SFMBT2: variants seen among roughly 807,000 people sequenced by gnomAD.
SFMBT2 encodes scm-like with four MBT domains protein 2.
SFMBT2 carries 38 observed loss-of-function variants against 110.1 expected under a neutral mutation model. The ratio of observed to expected loss-of-function variants is 0.35; its 90% confidence interval spans 0.27 to 0.45. SFMBT2 has a LOEUF of 0.45. Among genes scored for constraint, SFMBT2 ranks in the 20% least tolerant of loss-of-function variants. The pLI is 1.00. For synonymous variants in SFMBT2, 425 were observed against 425.4 expected, an observed-to-expected ratio of 1.00 and a Z score of 0.01; for missense variants, 1,011 against 1,094.9, an observed-to-expected ratio of 0.92 and a Z score of 1.08.
At position 7,172,179 on chromosome 10, in the gene SFMBT2, T is replaced by C. The variant is rs1169864990; in HGVS notation, c.2152-21A>G. The C allele has an allele frequency of 6.5e-7, 1 of 1,529,134 alleles. No individual in the cohort carries two copies. Among genetic ancestry groups the C allele is most frequent in the South Asian group, 1.3e-5 (1 of 78,510 alleles). 94.7% of individuals were successfully genotyped at this position (1,529,134 alleles called of 1,614,324 possible). ...CTTTCCTGGGAAGGAGGAAAAGGCATTTAAGGGGCTGGTGGCCCGGGGGCC... is the reference window on the plus strand; with the variant it reads ...CTTTCCTGGGAAGGAGGAAAAGGCACTTAAGGGGCTGGTGGCCCGGGGGCC... On this transcript the variant is annotated intron_variant, in intron 18 of 20. Transcript: ENST00000397167. The surrounding 1 kb of genome is among the most constrained non-coding windows in gnomAD (Gnocchi z 4.6).
intron 2 of SFMBT2, among the ~76,000 whole-genome samples, chr10:7,375,283 C>T (rs192208243): frequency 9.9e-5 from 15 of 152,244 alleles, no homozygotes; most frequent in East Asian, 3.9e-4. Flanking sequence ...AATAAACAAA[C>T]GGCCCATACA....
At position 7,170,818 on chromosome 10, in the gene SFMBT2, G is replaced by T. The variant is rs1193732440; in HGVS notation, c.2544+110C>A. On this transcript the variant is annotated intron_variant, in intron 20 of 20. Transcript: ENST00000397167. This position sits in a 1 kb window ranked among gnomAD's most constrained non-coding sequence, Gnocchi z 4.6. ...GGGTCTCGCACACCTGCCGAGCAGC[G>T]CCGAAGAACCCCCTCGCAGGTGTCA... 3.0e-6 allele frequency: 4 copies of T among 1,330,818 alleles called. No individual in the cohort carries two copies. The highest frequency in any genetic ancestry group is 4.2e-6 in the Non-Finnish European group (4 of 953,882). 82.4% of individuals were successfully genotyped at this position (1,330,818 alleles called of 1,614,324 possible). A position where few individuals can be genotyped will look rare whatever the true frequency, so the allele number is the denominator to read the frequency against.
chr10:7,288,189 A>T (rs1842153483), intron 4 of SFMBT2, among the ~76,000 whole-genome samples: 1 of 152,198 alleles, frequency 6.6e-6, no homozygotes, highest in Non-Finnish European at 1.5e-5. Flanking sequence ...CTGCTGCTTC[A>T]TCACTAACGT....
At chr10:7,217,484 C>T (rs2692840) in intron 11 of SFMBT2, among the ~76,000 whole-genome samples, 90,552 of 151,876 alleles carry the variant, frequency 0.6, 27,245 homozygotes, top group East Asian at 0.87. Context: ...GTAAGTGGCG[C>T]GCATGTATAT....
chr10:7,183,127 A>G (rs1459357527), intron 16 of SFMBT2, among the ~76,000 whole-genome samples: 1 of 152,212 alleles, frequency 6.6e-6, no homozygotes, highest in Non-Finnish European at 1.5e-5. Flanking sequence ...AAGAAGGAAA[A>G]TAGAAGCAAC....
chr10:7,395,618 T>C (rs936170091), intron 1 of SFMBT2, among the ~76,000 whole-genome samples: 1 of 152,232 alleles, frequency 6.6e-6, no homozygotes, highest in Non-Finnish European at 1.5e-5. Context: ...TCACTTTATT[T>C]TGTTTAATCC....
chr10:7,221,231 A>G (rs892358569), intron 10 of SFMBT2, among the ~76,000 whole-genome samples: 12 of 152,018 alleles, frequency 7.9e-5, no homozygotes, highest in African/African-American at 2.9e-4. Context: ...ATCCGGCATC[A>G]TTTTCCTTTA....
At chr10:7,306,810 C>G (rs1842713104) in intron 4 of SFMBT2, among the ~76,000 whole-genome samples, 1 of 152,012 alleles carries the variant, frequency 6.6e-6, no homozygotes, top group African/African-American at 2.4e-5. Flanking sequence ...AACATTGTCC[C>G]TACTCCAGGA....
chr10:7,179,395 A>G (rs1238651970), intron 16 of SFMBT2, among the ~76,000 whole-genome samples: 7 of 52,364 alleles, frequency 1.3e-4, no homozygotes, highest in East Asian at 2.2e-3. Flanking sequence ...ATTTTCGAAA[A>G]AAAAAAAAAA....
chr10:7,176,070 C>T lies in SFMBT2; in HGVS notation c.1904G>A (p.Cys635Tyr). 1 of 1,614,228 alleles carries T rather than the reference C, an allele frequency of 6.2e-7. No individual in the cohort carries two copies. Among genetic ancestry groups the T allele is most frequent in the Non-Finnish European group, 8.5e-7 (1 of 1,180,048 alleles). ...CACAGGACTAAACAAATTTGGACAGCACTCTAGCTTGGCACAGACTCGGCG... is the reference window on the plus strand; with the variant it reads ...CACAGGACTAAACAAATTTGGACAGTACTCTAGCTTGGCACAGACTCGGCG... ...FCRRVCAKLE[C>Y]CPNLFSPVLI... Residue 635 changes from cysteine (C) to tyrosine (Y), a missense_variant, in exon 17 of 21, where the codon TGC becomes TAC. This residue lies in a region of SFMBT2 where 979 missense variants were observed against 1,016.1 expected (regional missense o/e 0.96). Transcript: ENST00000397167.
At chr10:7,220,640 C>A (rs970438841) in intron 10 of SFMBT2, 103 bp from the exon 11 acceptor site, 6 of 1,180,284 alleles carry the variant, frequency 5.1e-6, no homozygotes, top group Non-Finnish European at 7.5e-6. Flanking sequence ...CATCTTACAT[C>A]GACAAGACAG....
chr10:7,298,904 A>G (rs1035921444), intron 4 of SFMBT2, among the ~76,000 whole-genome samples: 2 of 152,174 alleles, frequency 1.3e-5, no homozygotes, highest in African/African-American at 4.8e-5. Context: ...CATAGAAAAT[A>G]TTATTACATT....
intron 7 of SFMBT2, 82 bp downstream of exon 7, chr10:7,276,810 G>A: frequency 1.3e-6 from 1 of 761,392 alleles, no homozygotes; most frequent in Non-Finnish European, 2.4e-6. Flanking sequence ...ACAGGCATGA[G>A]CCACTGCGCC....
chr10:7,396,892 T>C (rs1845939662), intron 1 of SFMBT2, among the ~76,000 whole-genome samples: 1 of 105,540 alleles, frequency 9.5e-6, no homozygotes, highest in East Asian at 3.2e-4. Flanking sequence ...CACTGGGGCC[T>C]GTCGTGGGGT....
intron 4 of SFMBT2, among the ~76,000 whole-genome samples, chr10:7,321,270 C>T (rs1219727303): frequency 6.8e-6 from 1 of 148,028 alleles, no homozygotes; most frequent in East Asian, 2.0e-4. Flanking sequence ...GGCACAATCT[C>T]GGCTCACGGC....
chr10:7,214,005 G>A (rs1395422170), intron 11 of SFMBT2, among the ~76,000 whole-genome samples: 2 of 152,098 alleles, frequency 1.3e-5, no homozygotes, highest in African/African-American at 4.8e-5. Flanking sequence ...CCAACGGTGG[G>A]AAGTGAGCCA....
intron 13 of SFMBT2, chr10:7,200,874 GA>G: frequency 5.6e-6 from 2 of 359,154 alleles, no homozygotes; most frequent in Non-Finnish European, 7.8e-6. Context: ...ATGTCTAATT[GA>G]AAACCACTTT....
chr10:7,336,340 T>A (rs961586015), intron 4 of SFMBT2, among the ~76,000 whole-genome samples: 7 of 152,316 alleles, frequency 4.6e-5, no homozygotes, highest in Middle Eastern at 3.4e-3. Flanking sequence ...TAGACTGGCT[T>A]GCCTAAGAAA....
chr10:7,399,240 GTTT>G (rs944216469), intron 1 of SFMBT2, among the ~76,000 whole-genome samples: 1 of 148,242 alleles, frequency 6.7e-6, no homozygotes, highest in Non-Finnish European at 1.5e-5. Flanking sequence ...GTTTTGTTTT[GTTT>G]TTTTTTTGAG....
Sources: allele counts gnomAD v4.1 joint callset (sites outside exome capture counted in the v4.1 genomes callset), GRCh38; gene constraint gnomAD v4.1.1; regional missense constraint gnomAD v4.1.1; non-coding constraint Gnocchi (gnomAD v3.1); transcripts MANE v1.5; gene names NCBI Gene and HGNC (gene_info 2026-07-23, HGNC 2026-07-21).